Variants in GLG1 observed in about 807,000 individuals in gnomAD.
GLG1 encodes Golgi apparatus protein 1.
A neutral mutation model predicts 160.5 loss-of-function variants in GLG1; 38 were observed. The ratio of observed to expected loss-of-function variants is 0.24; its 90% CI spans 0.18 to 0.31. The LOEUF is 0.31. GLG1 is among the 10% of genes least tolerant of loss of function. GLG1 has a pLI of 1.00. For missense variants in GLG1, 1,373 were observed against 1,505.2 expected (o/e 0.91, Z 1.45); for synonymous variants, 644 against 543.4 (o/e 1.19, Z -2.57).
At chr16:74,498,113 A>C (rs968166914) in intron 4 of GLG1, among the ~76,000 whole-genome samples, 1 of 152,084 alleles carries the variant, frequency 6.6e-6, no homozygotes, top group Non-Finnish European at 1.5e-5. Flanking sequence ...ATAACCACTA[A>C]TATAGCAAAC....
At chr16:74,458,108 C>T in intron 23 of GLG1, 114 bp from the exon 24 acceptor site, 1 of 1,006,708 alleles carries the variant, frequency 9.9e-7, no homozygotes, top group South Asian at 1.5e-5. Flanking sequence ...GGGCTAACAA[C>T]AGAGACCACT....
At chr16:74,513,300 G>A (rs978381316) in intron 2 of GLG1, among the ~76,000 whole-genome samples, 2 of 152,090 alleles carry the variant, frequency 1.3e-5, no homozygotes, top group African/African-American at 2.4e-5. Context: ...ACAGGATTAG[G>A]GTGTGGGCTA....
chr16:74,488,449 T>C (rs1176110805), intron 8 of GLG1, among the ~76,000 whole-genome samples: 1 of 152,010 alleles, frequency 6.6e-6, no homozygotes, highest in Non-Finnish European at 1.5e-5. Flanking sequence ...CATTCGTCAA[T>C]TTGACTGGGG....
chr16:74,513,952 T>G (rs1272187136), intron 2 of GLG1, among the ~76,000 whole-genome samples: 1 of 152,168 alleles, frequency 6.6e-6, no homozygotes, highest in Non-Finnish European at 1.5e-5. Context: ...TTAAATGACC[T>G]GATGGAGCTG....
At position 74,451,877 on chromosome 16, in the gene GLG1, A is replaced by G. The variant is rs1385603999; in HGVS notation, c.*1290T>C. ...AGCCCATATTCTGCAAAGGTTGATG[A>G]ATCGCCAAAATACAACATTTAGCCA... On this transcript the variant is annotated 3_prime_UTR_variant, in exon 26 of 26. Transcript: ENST00000422840. The G allele has an allele frequency of 1.7e-6, 1 of 582,996 alleles. No homozygotes were observed. Among genetic ancestry groups the G allele is most frequent in the Non-Finnish European group, 3.1e-6 (1 of 322,472 alleles). The allele number at this position is 582,996 out of a possible 1,614,324, so 36.1% of individuals were successfully genotyped here. A position where few individuals can be genotyped will look rare whatever the true frequency, so the allele number is the denominator to read the frequency against.
Position 74,457,905 on chromosome 16 carries a change from G to C in GLG1, c.3234C>G (p.His1078Gln). 3.1e-6 allele frequency: 5 copies of C among 1,614,016 alleles called. No individual in the cohort carries two copies. The highest frequency in any genetic ancestry group is 4.2e-6 in the Non-Finnish European group (5 of 1,179,882). ...HTACALDIKH[H>Q]CAAITPGRGR... ...CGCGGCCAGGGGTGATGGCTGCGCA[G>C]TGGTGTTTAATGTCCAGGGCACAAG... The change falls in exon 24 of 26, where the codon CAC (histidine) becomes CAG (glutamine). Residue 1078 changes from histidine (H) to glutamine (Q), a missense_variant. Transcript: ENST00000422840.
At chr16:74,471,974 G>A (rs748049103) in intron 14 of GLG1, among the ~76,000 whole-genome samples, 55 of 151,912 alleles carry the variant, frequency 3.6e-4, no homozygotes, top group Admixed American at 9.2e-4. Context: ...GCACAATCAC[G>A]GCTCACTGCA....
intron 1 of GLG1, among the ~76,000 whole-genome samples, chr16:74,546,035 G>T (rs2018035310): frequency 6.6e-6 from 1 of 152,204 alleles, no homozygotes; most frequent in African/African-American, 2.4e-5. Context: ...ATAAAAGGAA[G>T]TCCTGAGCTA....
chr16:74,506,081 ATTT>A (rs71376213), intron 3 of GLG1, among the ~76,000 whole-genome samples: 6 of 101,920 alleles, frequency 5.9e-5, no homozygotes, highest in Non-Finnish European at 7.2e-5. Context: ...CCTGGAAAAG[ATTT>A]TTTTTTTTTT....
At position 74,469,931 on chromosome 16, in the gene GLG1, C is replaced by T. The variant is rs755476980; in HGVS notation, c.2318+54G>A. ...TGCCTAACATCTCGCATACTCATTCCGGAGCTAAGAGGAACTTCGGGAAAG... is the reference window on the plus strand; with the variant it reads ...TGCCTAACATCTCGCATACTCATTCTGGAGCTAAGAGGAACTTCGGGAAAG... On this transcript the variant is annotated intron_variant, in intron 16 of 25. Transcript: ENST00000422840. 27 of 1,133,368 alleles carry T rather than the reference C, an allele frequency of 2.4e-5. 1 individual carries two copies. The highest frequency in any genetic ancestry group is 1.1e-4 in the African/African-American group (7 of 65,592). 70.2% of individuals were successfully genotyped at this position (1,133,368 alleles called of 1,614,324 possible). A position where few individuals can be genotyped will look rare whatever the true frequency, so the allele number is the denominator to read the frequency against.
At chr16:74,521,513 G>T (rs527437842) in intron 2 of GLG1, among the ~76,000 whole-genome samples, 1 of 152,270 alleles carries the variant, frequency 6.6e-6, no homozygotes, top group South Asian at 2.1e-4. Context: ...AATGTGAAGT[G>T]TAAGAGGAGA....
chr16:74,569,166 G>A (rs981422499), intron 1 of GLG1, among the ~76,000 whole-genome samples: 1 of 152,152 alleles, frequency 6.6e-6, no homozygotes, highest in Non-Finnish European at 1.5e-5. Flanking sequence ...AAGTAAACCA[G>A]CCTTTCCACA....
chr16:74,551,893 A>G (rs1215361156), intron 1 of GLG1, among the ~76,000 whole-genome samples: 1 of 151,380 alleles, frequency 6.6e-6, no homozygotes, highest in East Asian at 1.9e-4. Context: ...AACAGAAGGT[A>G]GTCTAGAATA....
chr16:74,466,508 G>A (rs1019172766), intron 18 of GLG1, among the ~76,000 whole-genome samples: 4 of 152,140 alleles, frequency 2.6e-5, no homozygotes, highest in African/African-American at 7.2e-5. Context: ...CCGGGAAATC[G>A]TCAAGGCATG....
intron 21 of GLG1, 38 bp from the exon 22 acceptor site, chr16:74,462,233 A>T: frequency 9.3e-7 from 1 of 1,070,138 alleles, no homozygotes. Flanking sequence ...GGCTGATCAG[A>T]AAACGAAGCT....
At chr16:74,578,025 C>A in intron 1 of GLG1, among the ~76,000 whole-genome samples, 1 of 152,128 alleles carries the variant, frequency 6.6e-6, no homozygotes, top group Non-Finnish European at 1.5e-5. Context: ...AAAACCCATT[C>A]TAACAGCAAT....
chr16:74,552,165 C>T (rs1642955583), intron 1 of GLG1: 2 of 367,446 alleles, frequency 5.4e-6, no homozygotes, highest in Non-Finnish European at 1.1e-5. Context: ...AGCATCTCTT[C>T]CTTCAAATGT....
chr16:74,475,911 G>A (rs1275310930), intron 12 of GLG1, among the ~76,000 whole-genome samples: 1 of 152,192 alleles, frequency 6.6e-6, no homozygotes, highest in African/African-American at 2.4e-5. Context: ...GCTGGTCTCA[G>A]TGGCTCACAC....
chr16:74,540,012 T>A (rs9674242), intron 1 of GLG1, among the ~76,000 whole-genome samples: 5,344 of 6,812 alleles, frequency 0.78, 2,442 homozygotes, highest in Middle Eastern at 1. Flanking sequence ...TATATATATT[T>A]TATATATATA....
Sources: gnomAD v4.1 joint callset for allele counts (sites outside exome capture counted in the v4.1 genomes callset) on GRCh38, gnomAD v4.1.1 for gene constraint, MANE v1.5 for transcripts, NCBI Gene and HGNC (gene_info 2026-07-23, HGNC 2026-07-21) for gene names.